Variants in SLC12A7 observed in about 807,000 individuals in gnomAD.
The protein encoded by SLC12A7 is K-Cl cotransporter 4.
In SLC12A7, 100 loss-of-function variants were observed where a neutral mutation model predicts 120.6. The observed-to-expected ratio is 0.83, with a 90% CI of 0.71 to 0.98. The LOEUF (loss-of-function observed/expected upper bound fraction) is 0.98, where lower values mean the gene tolerates loss of function less well. Ranked by LOEUF, SLC12A7 falls within the 50% of genes least tolerant of loss-of-function variation. The pLI, the probability that SLC12A7 is intolerant of heterozygous loss-of-function variation, is 0.00. For synonymous variants in SLC12A7, 760 were observed against 678.0 expected, an observed-to-expected ratio of 1.12 and a Z score of -1.88; for missense variants, 1,373 against 1,548.1, an observed-to-expected ratio of 0.89 and a Z score of 1.90.
At chr5:1,068,616 G>C (rs974840852) in intron 17 of SLC12A7, among the ~76,000 whole-genome samples, 10 of 152,238 alleles carry the variant, frequency 6.6e-5, no homozygotes, top group Admixed American at 2.0e-4. Context: ...ATGCAGCTAA[G>C]TCACAGCCAA....
intron 10 of SLC12A7, 134 bp from the exon 11 acceptor site, chr5:1,078,892 G>A (rs917393877): frequency 2.6e-4 from 182 of 708,544 alleles, no homozygotes; most frequent in Non-Finnish European, 3.8e-4. Context: ...GGCGGGGACC[G>A]TTCTGCATCC....
chr5:1,070,551 C>T (rs1285182486), intron 17 of SLC12A7, among the ~76,000 whole-genome samples: 1 of 2,400 alleles, frequency 4.2e-4, no homozygotes, highest in African/African-American at 8.9e-4. Flanking sequence ...CAGCACACGG[C>T]ATCACACTTA....
the SLC12A7 span, among the ~76,000 whole-genome samples, chr5:1,134,897 G>A: frequency 2.0e-5 from 3 of 152,102 alleles, no homozygotes; most frequent in Non-Finnish European, 4.4e-5. Flanking sequence ...ACTTTGGGAG[G>A]CTGAGATGGG....
At chr5:1,153,516 G>T in the SLC12A7 span, among the ~76,000 whole-genome samples, 1 of 152,226 alleles carries the variant, frequency 6.6e-6, no homozygotes, top group South Asian at 2.1e-4. Context: ...AGAATGAGGC[G>T]TGGAGGAGAC....
At chr5:1,155,592 G>A in the SLC12A7 span, among the ~76,000 whole-genome samples, 6 of 151,274 alleles carry the variant, frequency 4.0e-5, no homozygotes. Context: ...CGGGCTGACC[G>A]GGAGCCCCAC....
intron 1 of SLC12A7, among the ~76,000 whole-genome samples, chr5:1,097,863 G>A (rs1741425132): frequency 6.6e-6 from 1 of 152,112 alleles, no homozygotes; most frequent in African/African-American, 2.4e-5. Flanking sequence ...TTCTTGAGAA[G>A]AGTGTCGCTT....
At chr5:1,108,106 A>G (rs991454385) in intron 1 of SLC12A7, among the ~76,000 whole-genome samples, 2 of 152,230 alleles carry the variant, frequency 1.3e-5, no homozygotes, top group African/African-American at 2.4e-5. Context: ...ACGTGTGTAC[A>G]TATATGTGCA....
intron 3 of SLC12A7, among the ~76,000 whole-genome samples, chr5:1,090,065 G>C (rs1740321198): frequency 6.6e-6 from 1 of 152,262 alleles, no homozygotes; most frequent in Admixed American, 6.5e-5. Context: ...CCACAATGTG[G>C]ATCAGAACAG....
chr5:1,075,531 G>A, intron 14 of SLC12A7, 41 bp from the exon 15 acceptor site: 1 of 1,586,262 alleles, frequency 6.3e-7, no homozygotes, highest in Middle Eastern at 1.7e-4. Context: ...CCAACGCCAT[G>A]CAGCCCCCAC....
At chr5:1,090,234 T>C (rs952957256) in intron 3 of SLC12A7, among the ~76,000 whole-genome samples, 1 of 152,146 alleles carries the variant, frequency 6.6e-6, no homozygotes, top group Non-Finnish European at 1.5e-5. Flanking sequence ...CCGGAACGCC[T>C]CCCACAGACT....
At chr5:1,080,545 T>TGGGAGGGACC (rs1310540885) in intron 9 of SLC12A7, among the ~76,000 whole-genome samples, 3 of 152,002 alleles carry the variant, frequency 2.0e-5, no homozygotes, top group Non-Finnish European at 2.9e-5. Context: ...GGAGCAGACG[T>TGGGAGGGACC]GGGAGGGACC....
chr5:1,107,138 CTT>C (rs1742589195), intron 1 of SLC12A7, among the ~76,000 whole-genome samples: 1 of 152,194 alleles, frequency 6.6e-6, no homozygotes, highest in African/African-American at 2.4e-5. Context: ...TCTTCTTTCT[CTT>C]TCTTTCTTCC....
At chr5:1,087,090 G>C in intron 5 of SLC12A7, 57 bp from the exon 6 acceptor site, 1 of 1,545,726 alleles carries the variant, frequency 6.5e-7, no homozygotes, top group Non-Finnish European at 8.7e-7. Flanking sequence ...TCGGACCCGA[G>C]GTGCGGTCTG....
chr5:1,060,542 C>T (rs1357855665), intron 20 of SLC12A7, 91 bp from the exon 21 acceptor site: 3 of 951,522 alleles, frequency 3.2e-6, no homozygotes, highest in African/African-American at 3.2e-5. Flanking sequence ...CCGAGCCGCC[C>T]TGAGCGGTGG....
chr5:1,076,171 G>T lies in SLC12A7; in HGVS notation c.1814C>A (p.Pro605His). Reference protein sequence around the residue: ...ACAVQTLLRTPNWRPRFKFYH... With the variant: ...ACAVQTLLRTHNWRPRFKFYH... ...GAACTTGAAGCGTGGACGCCAGTTG[G>T]GGGTACGTAGCAGGGTCTGCACGGC... is the stretch of plus-strand genomic sequence containing the variant. The change falls in exon 14 of 24, where the codon CCC becomes CAC. Residue 605 changes from proline (P) to histidine (H), a missense_variant. Coordinates refer to ENST00000264930, the MANE Select transcript of SLC12A7 (RefSeq NM_006598.3). The T allele has an allele frequency of 6.2e-7, 1 of 1,612,374 alleles. No individual in the cohort carries two copies. The highest frequency in any genetic ancestry group is 8.5e-7 in the Non-Finnish European group (1 of 1,179,636).
At chr5:1,093,468 C>A in intron 3 of SLC12A7, 65 bp downstream of exon 3, 5 of 1,487,572 alleles carry the variant, frequency 3.4e-6, no homozygotes, top group East Asian at 2.4e-5. Flanking sequence ...GCCTTGCCGG[C>A]GTGATCTAAC....
the SLC12A7 span, among the ~76,000 whole-genome samples, chr5:1,118,517 G>A: frequency 6.6e-6 from 1 of 152,348 alleles, no homozygotes; most frequent in East Asian, 1.9e-4. Context: ...ACCCAGACTC[G>A]CGCCCTCGCC....
chr5:1,125,160 G>A, the SLC12A7 span, among the ~76,000 whole-genome samples: 1 of 152,344 alleles, frequency 6.6e-6, no homozygotes, highest in Admixed American at 6.5e-5. Flanking sequence ...CAGAGCAGCT[G>A]TGGAAAGATA....
upstream of SLC12A7, among the ~76,000 whole-genome samples, chr5:1,114,927 G>A (rs1743256148): frequency 2.0e-5 from 3 of 152,314 alleles, no homozygotes; most frequent in South Asian, 6.2e-4. Flanking sequence ...TTGTCCGTCT[G>A]GCCATCTGGA....
Sources: gnomAD v4.1 joint callset for allele counts (sites outside exome capture counted in the v4.1 genomes callset) on GRCh38, gnomAD v4.1.1 for gene constraint, MANE v1.5 for transcripts, NCBI Gene and HGNC (gene_info 2026-07-23, HGNC 2026-07-21) for gene names.